Variants in CYP2C8 observed in about 807,000 individuals in gnomAD.
CYP2C8 encodes cytochrome P450 family 2 subfamily C member 8.
CYP2C8 carries 51 observed loss-of-function variants against 41.3 expected under a neutral mutation model. That is an observed-to-expected ratio of 1.24 (90% CI 0.99 to 1.56). The LOEUF (loss-of-function observed/expected upper bound fraction) is 1.56, where lower values mean the gene tolerates loss of function less well. CYP2C8 is among the 40% of genes most tolerant of loss of function. CYP2C8 has a pLI of 0.00. For missense variants in CYP2C8, 651 were observed against 579.9 expected, an observed-to-expected ratio of 1.12 and a Z score of -1.26; for synonymous variants, 218 against 205.8, an observed-to-expected ratio of 1.06 and a Z score of -0.51.
intron 4 of CYP2C8, among the ~76,000 whole-genome samples, chr10:95,062,443 T>C (rs1251611335): frequency 6.6e-6 from 1 of 152,216 alleles, no homozygotes; most frequent in Non-Finnish European, 1.5e-5. Flanking sequence ...GTCTGTTTTA[T>C]CAGAGATTAG....
intron 3 of CYP2C8, 45 bp downstream of exon 3, chr10:95,067,163 G>A: frequency 6.2e-7 from 1 of 1,613,572 alleles, no homozygotes. Flanking sequence ...CACTAGTGAA[G>A]ACAGGTAACT....
At chr10:95,040,972 A>C (rs541811978) in intron 7 of CYP2C8, 36 of 456,274 alleles carry the variant, frequency 7.9e-5, no homozygotes, top group Admixed American at 7.8e-4. Context: ...TGAAAAGAAA[A>C]TTTTGAGGAA....
rs2033631324 is a variant in CYP2C8 at position 95,069,259 on chromosome 10, C to T, written c.144G>A (p.Lys48=). ...IIGNMLQIDV[K]DICKSFTNFS... ...CATTGGTGAAAGATTTGCAGATGTC[C>T]TTAACATCTATCTGTAGCATATTTC... is the stretch of plus-strand genomic sequence containing the variant. Residue 48 remains lysine (K), a synonymous_variant, in exon 1 of 9, where the codon AAG becomes AAA. Transcript: ENST00000371270. The T allele has an allele frequency of 6.2e-7, 1 of 1,613,760 alleles. No individual in the cohort carries two copies. The highest frequency in any genetic ancestry group is 1.1e-5 in the South Asian group (1 of 91,082).
intron 5 of CYP2C8, among the ~76,000 whole-genome samples, chr10:95,048,783 A>G (rs11572142): frequency 0.018 from 2,747 of 152,278 alleles, 31 homozygotes; most frequent in Non-Finnish European, 0.025. Context: ...TAGAAGAATG[A>G]AATATGATTC....
Position 95,062,836 on chromosome 10 carries a change from A to G in CYP2C8, c.642+1964T>C, listed in dbSNP as rs377717627. Among the ~76,000 whole-genome samples the G allele has an allele frequency of 8.5e-5, 13 of 152,120 alleles. No individual in the cohort carries two copies. The East Asian group carries it at 1.9e-3, about 23-fold the overall frequency. On this transcript the variant is annotated intron_variant, in intron 4 of 8. Coordinates refer to ENST00000371270, the MANE Select transcript of CYP2C8 (RefSeq NM_000770.3). ...GGAGCTCTTTTAGGGCAGGCCTGGTAGTGACAAAATCTCTCAGCATTTGCT... is the reference window on the plus strand; with the variant it reads ...GGAGCTCTTTTAGGGCAGGCCTGGTGGTGACAAAATCTCTCAGCATTTGCT...
intron 1 of CYP2C8, chr10:95,068,637 CAA>C (rs1313412038): frequency 2.1e-5 from 27 of 1,287,790 alleles, no homozygotes; most frequent in Non-Finnish European, 2.6e-5. Flanking sequence ...CACTGTGAAA[CAA>C]AGAGGAGAAA....
At chr10:95,054,176 G>A (rs2033265428) in intron 5 of CYP2C8, among the ~76,000 whole-genome samples, 1 of 151,790 alleles carries the variant, frequency 6.6e-6, no homozygotes, top group African/African-American at 2.4e-5. Context: ...TGTATATTAT[G>A]GATTTTTTTA....
chr10:95,054,704 G>A (rs979524837), intron 5 of CYP2C8, among the ~76,000 whole-genome samples: 2 of 152,078 alleles, frequency 1.3e-5, no homozygotes, highest in Admixed American at 1.3e-4. Context: ...AATGTTTTCA[G>A]CTTAATTTTA....
rs774651166 is a variant in CYP2C8 at position 95,038,980 on chromosome 10, T to C, written c.1208A>G (p.Asn403Ser). Residue 403 changes from asparagine to serine, a missense_variant, in exon 8 of 9, where the codon AAT (asparagine) becomes AGT (serine). Physicochemically the swap from Asn to Ser is conservative, Grantham distance 46. Coordinates refer to ENST00000371270, the MANE Select transcript of CYP2C8 (RefSeq NM_000770.3). ...GTGGCCAGGGTCAAAGATATTTGGA[T>C]TAGGAAATTCTTTGTCATCATGTAG... is the stretch of plus-strand genomic sequence containing the variant. ...SVLHDDKEFP[N>S]PNIFDPGHFL... The C allele has an allele frequency of 6.2e-7, 1 of 1,613,426 alleles. No homozygotes were observed. The highest frequency in any genetic ancestry group is 1.1e-5 in the South Asian group (1 of 91,072).
At chr10:95,056,782 G>T (rs1028710775) in intron 5 of CYP2C8, among the ~76,000 whole-genome samples, 1 of 151,978 alleles carries the variant, frequency 6.6e-6, no homozygotes, top group Non-Finnish European at 1.5e-5. Flanking sequence ...TGTTTCTGTG[G>T]AGTGATAAAA....
At chr10:95,046,013 A>G in intron 5 of CYP2C8, 62 bp from the exon 6 acceptor site, 1 of 1,582,556 alleles carries the variant, frequency 6.3e-7, no homozygotes, top group Non-Finnish European at 8.7e-7. Context: ...AATACACTAA[A>G]TTTTAAAAAA....
intron 4 of CYP2C8, among the ~76,000 whole-genome samples, chr10:95,059,347 G>A (rs1228222461): frequency 6.6e-6 from 1 of 152,174 alleles, no homozygotes; most frequent in Non-Finnish European, 1.5e-5. Context: ...TAACTGGTGT[G>A]AAATGGTATC....
intron 5 of CYP2C8, among the ~76,000 whole-genome samples, chr10:95,048,672 G>A: frequency 6.6e-6 from 1 of 152,138 alleles, no homozygotes. Flanking sequence ...AATAGGCTGT[G>A]CCTATTGGCT....
intron 6 of CYP2C8, 68 bp from the exon 7 acceptor site, chr10:95,043,145 G>T: frequency 7.1e-7 from 1 of 1,418,170 alleles, no homozygotes; most frequent in Non-Finnish European, 1.0e-6. Flanking sequence ...GCAATTCATG[G>T]CCACATTAAC....
chr10:95,058,518 G>C lies in CYP2C8; in HGVS notation c.643-7C>G. The C allele has an allele frequency of 1.9e-6, 3 of 1,605,146 alleles. No homozygotes were observed. Among genetic ancestry groups the C allele is most frequent in the Non-Finnish European group, 2.6e-6 (3 of 1,174,208 alleles). On this transcript the variant is annotated splice_region_variant and splice_polypyrimidine_tract_variant and intron_variant, in intron 4 of 8. Coordinates refer to ENST00000371270, the MANE Select transcript of CYP2C8 (RefSeq NM_000770.3). ...GAGGGAAATTATTGCAGACCTAAAAGAGAAAAGAATATTAAATATAAACAT... is the reference window on the plus strand; with the variant it reads ...GAGGGAAATTATTGCAGACCTAAAACAGAAAAGAATATTAAATATAAACAT...
chr10:95,045,847 A>C lies in CYP2C8; in HGVS notation c.924T>G (p.Tyr308Ter), dbSNP rs771704932. 9 of 1,613,924 alleles carry C rather than the reference A, an allele frequency of 5.6e-6. No homozygotes were observed. The highest frequency in any genetic ancestry group is 1.3e-5 in the African/African-American group (1 of 74,932). ...GGTGCTTCAGCAGGAGCAGGAGTCC[A>C]TATCTCAGAGTGGTGCTTGTTGTCT... ...GTETTSTTLR[Y>*]GLLLLLKHPE... The change falls in exon 6 of 9, where the codon TAT becomes TAG. Residue 308 changes from tyrosine to a stop codon, truncating the protein, a stop_gained. Transcript: ENST00000371270. LOFTEE classifies it high-confidence loss of function.
chr10:95,050,119 T>C (rs1160579096), intron 5 of CYP2C8, among the ~76,000 whole-genome samples: 3 of 152,090 alleles, frequency 2.0e-5, no homozygotes, highest in Non-Finnish European at 4.4e-5. Flanking sequence ...GACTTGGCTC[T>C]TGTACAGGGT....
chr10:95,062,860 C>G (rs2033468860), intron 4 of CYP2C8, among the ~76,000 whole-genome samples: 1 of 152,082 alleles, frequency 6.6e-6, no homozygotes, highest in African/African-American at 2.4e-5. Context: ...TCAGCATTTG[C>G]TTGTATGTAA....
intron 5 of CYP2C8, among the ~76,000 whole-genome samples, chr10:95,048,838 A>G (rs1309896154): frequency 6.6e-6 from 1 of 152,174 alleles, no homozygotes; most frequent in Non-Finnish European, 1.5e-5. Flanking sequence ...TGGACTAAAG[A>G]CTTAAATATG....
Sources: gnomAD v4.1 joint callset for allele counts (sites outside exome capture counted in the v4.1 genomes callset) on GRCh38, gnomAD v4.1.1 for gene constraint, MANE v1.5 for transcripts, NCBI Gene and HGNC (gene_info 2026-07-23, HGNC 2026-07-21) for gene names.